The following ZFP41 variants were observed in gnomAD, a reference collection of about 807,000 sequenced individuals.
The protein encoded by ZFP41 is ZFP41 zinc finger protein.
ZFP41 carries 10 observed loss-of-function variants against 11.6 expected under a neutral mutation model. That is an observed-to-expected ratio of 0.86 (90% CI 0.53 to 1.47). The LOEUF (loss-of-function observed/expected upper bound fraction) is 1.47, where lower values mean the gene tolerates loss of function less well. ZFP41 is among the 40% of genes most tolerant of loss of function. The pLI, the probability that ZFP41 is intolerant of heterozygous loss-of-function variation, is 0.00. For synonymous variants in ZFP41, 123 were observed against 100.9 expected (o/e 1.22, Z -1.31); for missense variants, 302 against 264.6 (o/e 1.14, Z -0.98).
chr8:143,250,520 T>A lies in ZFP41; in HGVS notation c.*80T>A. On this transcript the variant is annotated 3_prime_UTR_variant, in exon 2 of 3. Coordinates refer to ENST00000330701, the MANE Select transcript of ZFP41 (RefSeq NM_173832.6). ...CTCCGTGGCTCCCTCGTGTCCCGCG[T>A]CTGATGGGGGCGCAGGGCCGTGCGC... The A allele has an allele frequency of 1.3e-6, 2 of 1,547,896 alleles. No individual in the cohort carries two copies. Among genetic ancestry groups the A allele is most frequent in the Admixed American group, 3.8e-5 (2 of 52,820 alleles).
intron 1 of ZFP41, among the ~76,000 whole-genome samples, chr8:143,248,930 C>T (rs996099320): frequency 1.3e-5 from 2 of 152,214 alleles, no homozygotes; most frequent in African/African-American, 4.8e-5. Flanking sequence ...TTATGTGTTA[C>T]CTGCACTCAT....
rs1471986924 is a variant in ZFP41 at position 143,250,144 on chromosome 8, G to C, written c.301G>C (p.Asp101His). 1 of 1,614,168 alleles carries C rather than the reference G, an allele frequency of 6.2e-7. No homozygotes were observed. Among genetic ancestry groups the C allele is most frequent in the South Asian group, 1.1e-5 (1 of 91,088 alleles). ...TGGGCGGATCTTTAAGCACAAGACAGACCACATTCGCCATCAGAGGGTCCA... is the reference window on the plus strand; with the variant it reads ...TGGGCGGATCTTTAAGCACAAGACACACCACATTCGCCATCAGAGGGTCCA... ...ECGRIFKHKT[D>H]HIRHQRVHTG... The change falls in exon 2 of 3, where the codon GAC becomes CAC. Residue 101 changes from aspartate to histidine, a missense_variant. Transcript: ENST00000330701.
rs1472253499 is a variant in ZFP41 at position 143,260,298 on chromosome 8, A to G, written c.*1424A>G. The G allele has an allele frequency of 6.5e-6, 1 of 153,274 alleles. No individual in the cohort carries two copies. Among genetic ancestry groups the G allele is most frequent in the Non-Finnish European group, 1.5e-5 (1 of 68,702 alleles). The allele number at this position is 153,274 out of a possible 1,614,324, so 9.5% of individuals were successfully genotyped here. On this transcript the variant is annotated 3_prime_UTR_variant, in exon 3 of 3. Transcript: ENST00000330701. ...CCAAATTTCTTCAAAGGTCAAAACC[A>G]TCACAGTGGGCAACTTTACACCCCA...
At chr8:143,251,405 G>A (rs1483019842) in intron 2 of ZFP41, 65 bp downstream of exon 2, 3 of 153,774 alleles carry the variant, frequency 2.0e-5, no homozygotes, top group African/African-American at 7.2e-5. Context: ...CCACAGGCCT[G>A]TGCCACCCTT....
In ZFP41 at chr8:143,259,820, T is replaced by C. The variant is rs890127171; in HGVS notation, c.*946T>C. ...CCAAAGCAAGAAGTTCCAGATGAAA[T>C]ATGCATAAGAAGCAGCCTCAAAACT... On this transcript the variant is annotated 3_prime_UTR_variant, in exon 3 of 3. Coordinates refer to ENST00000330701, the MANE Select transcript of ZFP41 (RefSeq NM_173832.6). 7 of 152,228 alleles carry C rather than the reference T, an allele frequency of 4.6e-5. No individual in the cohort carries two copies. The highest frequency in any genetic ancestry group is 1.7e-4 in the African/African-American group (7 of 41,432). 9.4% of individuals were successfully genotyped at this position (152,228 alleles called of 1,614,324 possible). A position where few individuals can be genotyped will look rare whatever the true frequency, so the allele number is the denominator to read the frequency against.
chr8:143,248,891 C>G (rs1194029458), intron 1 of ZFP41, among the ~76,000 whole-genome samples: 1 of 152,214 alleles, frequency 6.6e-6, no homozygotes, highest in Non-Finnish European at 1.5e-5. Flanking sequence ...CCAGACCCTC[C>G]TTGTTGAGAT....
At chr8:143,252,629 G>T in intron 2 of ZFP41, 2 of 985,208 alleles carry the variant, frequency 2.0e-6, no homozygotes, top group Non-Finnish European at 2.4e-6. Context: ...TCAATGGCCC[G>T]TGGTCCCAAT....
intron 1 of ZFP41, 134 bp downstream of exon 1, chr8:143,247,276 C>G (rs1400435467): frequency 6.6e-6 from 1 of 152,352 alleles, no homozygotes; most frequent in Non-Finnish European, 1.5e-5. Context: ...GGGCGCCGGC[C>G]CCGAGGCCGA....
At chr8:143,258,393 A>G (rs1814960959) in intron 2 of ZFP41, among the ~76,000 whole-genome samples, 1 of 152,146 alleles carries the variant, frequency 6.6e-6, no homozygotes, top group Non-Finnish European at 1.5e-5. Flanking sequence ...TGACTGAGAG[A>G]GAAGGACTCA....
At chr8:143,259,029 T>C (rs1020305788) in intron 2 of ZFP41, among the ~76,000 whole-genome samples, 39 of 152,332 alleles carry the variant, frequency 2.6e-4, no homozygotes, top group East Asian at 1.2e-3. Context: ...GAGAAACGTG[T>C]GTGCACGCAG....
In ZFP41 at chr8:143,260,581, GC is replaced by G; in HGVS notation, c.*1711del. 5.8e-6 allele frequency: 1 copy of G among 171,654 alleles called. No individual in the cohort carries two copies. The highest frequency in any genetic ancestry group is 1.3e-5 in the Non-Finnish European group (1 of 78,762). 10.6% of individuals were successfully genotyped at this position (171,654 alleles called of 1,614,324 possible). On this transcript the variant is annotated 3_prime_UTR_variant, in exon 3 of 3. Coordinates refer to ENST00000330701, the MANE Select transcript of ZFP41 (RefSeq NM_173832.6). ...TCAGGAGCATGGCGCACCCACACCA[GC>G]CCCGGGCTCCGCCTGGACAGCACCT...
intron 2 of ZFP41, among the ~76,000 whole-genome samples, chr8:143,256,763 T>G (rs1304562075): frequency 6.6e-6 from 1 of 152,228 alleles, no homozygotes; most frequent in East Asian, 1.9e-4. Context: ...TTTTTAACGT[T>G]TATGGTTATG....
rs1045132720 is a variant in ZFP41 at position 143,250,574 on chromosome 8, G to A, written c.*134G>A. On this transcript the variant is annotated 3_prime_UTR_variant, in exon 2 of 3. Coordinates refer to ENST00000330701, the MANE Select transcript of ZFP41 (RefSeq NM_173832.6). Reference sequence around the variant, plus strand: ...GTGTTCCGTGCCCTGGGGACCCCCGGAAAAGCAGCCCAGTCAGATGTGGGA... The same window carrying A: ...GTGTTCCGTGCCCTGGGGACCCCCGAAAAAGCAGCCCAGTCAGATGTGGGA... 1.4e-6 allele frequency: 2 copies of A among 1,418,912 alleles called. No homozygotes were observed. Among genetic ancestry groups the A allele is most frequent in the Admixed American group, 5.0e-5 (2 of 39,996 alleles). 87.9% of individuals were successfully genotyped at this position (1,418,912 alleles called of 1,614,324 possible). A position where few individuals can be genotyped will look rare whatever the true frequency, so the allele number is the denominator to read the frequency against.
At chr8:143,248,136 G>C (rs925099564) in intron 1 of ZFP41, 1 of 152,192 alleles carries the variant, frequency 6.6e-6, no homozygotes, top group African/African-American at 2.4e-5. Context: ...CTGCTTTTAA[G>C]AAATATTTTA....
At chr8:143,257,442 A>G (rs1259053952) in intron 2 of ZFP41, among the ~76,000 whole-genome samples, 1 of 152,226 alleles carries the variant, frequency 6.6e-6, no homozygotes, top group Non-Finnish European at 1.5e-5. Context: ...GGTTGCAGTG[A>G]GCCAAGATCA....
At position 143,261,803 on chromosome 8, in the gene ZFP41, C is replaced by A. The variant is rs4997225; in HGVS notation, c.*2929C>A. 1.4e-4 allele frequency: 23 copies of A among 164,184 alleles called. No individual in the cohort carries two copies. Among genetic ancestry groups the A allele is most frequent in the Non-Finnish European group, 1.6e-4 (14 of 85,112 alleles). The allele number at this position is 164,184 out of a possible 1,614,324, so 10.2% of individuals were successfully genotyped here. On this transcript the variant is annotated 3_prime_UTR_variant, in exon 3 of 3. Coordinates refer to ENST00000330701, the MANE Select transcript of ZFP41 (RefSeq NM_173832.6). ...CGCCCGTCTCCAGCAGCCCCTGCCC[C>A]CACCCGCACCCCTGCACCTGCCACG...
At chr8:143,253,125 A>G (rs2272631) in intron 2 of ZFP41, 128,737 of 152,346 alleles carry the variant, frequency 0.85, 54,616 homozygotes, top group African/African-American at 0.92. Context: ...GCCGACCTGG[A>G]TTGTAGACTC....
At chr8:143,258,532 T>A (rs1200509101) in intron 2 of ZFP41, among the ~76,000 whole-genome samples, 1 of 152,040 alleles carries the variant, frequency 6.6e-6, no homozygotes, top group East Asian at 1.9e-4. Flanking sequence ...CATGCGGAGG[T>A]TCTTCGTTAT....
At chr8:143,254,296 A>G (rs1164583776) in intron 2 of ZFP41, among the ~76,000 whole-genome samples, 1 of 152,214 alleles carries the variant, frequency 6.6e-6, no homozygotes, top group African/African-American at 2.4e-5. Context: ...CTTTATAGTA[A>G]CACACAATGA....
Sources: gnomAD v4.1 joint callset for allele counts (sites outside exome capture counted in the v4.1 genomes callset) on GRCh38, gnomAD v4.1.1 for gene constraint, MANE v1.5 for transcripts, NCBI Gene and HGNC (gene_info 2026-07-23, HGNC 2026-07-21) for gene names.